Variants in PAX5 observed in about 807,000 individuals in gnomAD.
PAX5 encodes paired box 5.
PAX5 carries 9 observed loss-of-function variants against 43.7 expected under a neutral mutation model. That is an observed-to-expected ratio of 0.21 (90% confidence interval 0.12 to 0.36). The LOEUF (loss-of-function observed/expected upper bound fraction) is 0.36. Among genes scored for constraint, PAX5 ranks in the 10% least tolerant of loss-of-function variants. The pLI is 1.00. For synonymous variants in PAX5, 228 were observed against 214.3 expected (o/e 1.06, Z -0.56); for missense variants, 383 against 532.7 (o/e 0.72, Z 2.77).
At position 36,947,499 on chromosome 9, in the gene PAX5, T is replaced by C. The variant is rs368364875; in HGVS notation, c.780+19050A>G. ...ACAGCCTTGAACTCCTGGGCTCAAGTGATCCTCCCACCTCAGCCTCCCGAG... is the reference window on the plus strand; with the variant it reads ...ACAGCCTTGAACTCCTGGGCTCAAGCGATCCTCCCACCTCAGCCTCCCGAG... On this transcript the variant is annotated intron_variant, in intron 6 of 9. Transcript: ENST00000358127. Among the ~76,000 whole-genome samples, 51 of 152,246 alleles carry C rather than the reference T, an allele frequency of 3.3e-4. No homozygotes were observed. The East Asian group carries it at 7.7e-3, about 23-fold the overall frequency.
intron 5 of PAX5, among the ~76,000 whole-genome samples, chr9:36,979,475 G>A (rs1016003600): frequency 6.6e-6 from 1 of 152,152 alleles, no homozygotes; most frequent in Non-Finnish European, 1.5e-5. Context: ...CATCTGAAAA[G>A]GATAACAGCG....
At chr9:36,988,662 C>CAAAAAA (rs139552622) in intron 5 of PAX5, among the ~76,000 whole-genome samples, 215 of 103,528 alleles carry the variant, frequency 2.1e-3, no homozygotes, top group African/African-American at 8.4e-3. Context: ...GACCCTGTCT[C>CAAAAAA]AAAAAAAAAA....
At position 37,002,056 on chromosome 9, in the gene PAX5, C is replaced by A. The variant is rs879855155; in HGVS notation, c.604+592G>T. 9.2e-5 allele frequency among the ~76,000 whole-genome samples: 14 copies of A among 151,614 alleles called. No individual in the cohort carries two copies. In the South Asian group the frequency reaches 1.5e-3, roughly 16 times the overall value. Reference sequence around the variant, plus strand: ...CCGGGAAGATTGTCATCTTTGTAATCCCCCCCAACACCCCCGCACTTCTTC... The same window carrying A: ...CCGGGAAGATTGTCATCTTTGTAATACCCCCCAACACCCCCGCACTTCTTC... On this transcript the variant is annotated intron_variant, in intron 5 of 9. Coordinates refer to ENST00000358127, the MANE Select transcript of PAX5 (RefSeq NM_016734.3).
intron 6 of PAX5, among the ~76,000 whole-genome samples, chr9:36,965,199 C>G (rs573089028): frequency 6.6e-6 from 1 of 152,262 alleles, no homozygotes; most frequent in East Asian, 1.9e-4. Context: ...CTCCTTAGCA[C>G]CAAGCGCACC....
At chr9:37,021,170 CA>C (rs1839815100) in intron 1 of PAX5, among the ~76,000 whole-genome samples, 2 of 152,196 alleles carry the variant, frequency 1.3e-5, no homozygotes, top group South Asian at 4.2e-4. Context: ...AGAAAATATG[CA>C]TTAAAATACA....
At chr9:36,903,106 G>T (rs1292495109) in intron 7 of PAX5, among the ~76,000 whole-genome samples, 1 of 152,240 alleles carries the variant, frequency 6.6e-6, no homozygotes, top group Non-Finnish European at 1.5e-5. Context: ...ACTCCATGGG[G>T]TGCAGGTGTG....
intron 8 of PAX5, among the ~76,000 whole-genome samples, chr9:36,876,898 A>G (rs1462528292): frequency 1.3e-5 from 2 of 152,234 alleles, no homozygotes; most frequent in African/African-American, 2.4e-5. Context: ...CATGAGTCCA[A>G]GCTAACAAGC....
chr9:37,018,476 G>A (rs1839578935), intron 2 of PAX5, among the ~76,000 whole-genome samples: 1 of 143,440 alleles, frequency 7.0e-6, no homozygotes, highest in African/African-American at 2.6e-5. Context: ...GACTTTGCCT[G>A]CCTTGCCACA....
At chr9:36,943,684 C>T (rs958025951) in intron 6 of PAX5, among the ~76,000 whole-genome samples, 1 of 152,082 alleles carries the variant, frequency 6.6e-6, no homozygotes, top group Non-Finnish European at 1.5e-5. Context: ...AGAAAAGACA[C>T]ATGAAAGACT....
At position 37,015,583 on chromosome 9, in the gene PAX5, C is replaced by CT. The variant is rs201678330; in HGVS notation, c.213-390dup. Among the ~76,000 whole-genome samples, 271 of 141,108 alleles carry CT rather than the reference C, an allele frequency of 1.9e-3. No individual in the cohort carries two copies. Among genetic ancestry groups the CT allele is most frequent in the Admixed American group, 2.2e-3 (31 of 14,074 alleles). The allele number at this position is 141,108 out of a possible 152,430, so 92.6% of individuals were successfully genotyped here. A position where few individuals can be genotyped will look rare whatever the true frequency, so the allele number is the denominator to read the frequency against. On this transcript the variant is annotated intron_variant, in intron 2 of 9. Transcript: ENST00000358127. The surrounding 1 kb of genome is among the most constrained non-coding windows in gnomAD (Gnocchi z 4.4). ...TGCATACACAGCTCTCATAGTATTT[C>CT]TTTTTTTTTTTTTCAGACGGAGTTT...
At chr9:36,926,488 G>T (rs761613322) in intron 6 of PAX5, among the ~76,000 whole-genome samples, 2 of 152,176 alleles carry the variant, frequency 1.3e-5, no homozygotes, top group Non-Finnish European at 2.9e-5. Context: ...ATTGGAAAAA[G>T]GTTGCTGTCT....
intron 7 of PAX5, among the ~76,000 whole-genome samples, chr9:36,884,666 G>A (rs1320707853): frequency 2.0e-5 from 3 of 152,188 alleles, no homozygotes; most frequent in South Asian, 2.1e-4. Flanking sequence ...GACATAAGAG[G>A]AATAAGCACT....
chr9:36,993,797 G>A (rs1837132934), intron 5 of PAX5, among the ~76,000 whole-genome samples: 2 of 151,894 alleles, frequency 1.3e-5, no homozygotes, highest in South Asian at 2.1e-4. Context: ...CCCCTCCATC[G>A]GCCCCACCAC....
chr9:36,963,858 G>C (rs1834177958), intron 6 of PAX5, among the ~76,000 whole-genome samples: 1 of 152,196 alleles, frequency 6.6e-6, no homozygotes, highest in African/African-American at 2.4e-5. Flanking sequence ...GCTCTTCCCT[G>C]TTCACTTGCT....
chr9:36,899,587 G>A lies in PAX5; in HGVS notation c.911-17482C>T, dbSNP rs1216448861. Among the ~76,000 whole-genome samples the A allele has an allele frequency of 2.0e-5, 3 of 151,934 alleles. No individual in the cohort carries two copies. In the South Asian group the frequency reaches 6.2e-4, roughly 31 times the overall value. Reference sequence around the variant, plus strand: ...GGTGTTACTTTCCAACCTCTCCACTGAGAAAAGCCACCAGCCAAAGCCCAG... The same window carrying A: ...GGTGTTACTTTCCAACCTCTCCACTAAGAAAAGCCACCAGCCAAAGCCCAG... On this transcript the variant is annotated intron_variant, in intron 7 of 9. Transcript: ENST00000358127.
chr9:36,840,688 C>G, intron 9 of PAX5, 52 bp from the exon 10 acceptor site: 1 of 1,129,362 alleles, frequency 8.9e-7, no homozygotes, highest in South Asian at 1.5e-5. Context: ...CCCCTTTCCA[C>G]CAGTCTCCTC....
At chr9:36,922,282 C>A (rs930030140) in intron 7 of PAX5, among the ~76,000 whole-genome samples, 1 of 152,196 alleles carries the variant, frequency 6.6e-6, no homozygotes, top group Non-Finnish European at 1.5e-5. Flanking sequence ...TCTACGAGTC[C>A]CGTGTCACTG....
chr9:37,002,792 C>T lies in PAX5; in HGVS notation c.476-16G>A. ...CCAGTGGACACTGCGCGGAGAAAGA[C>T]GGGCGGTCAGGGCCGCAGAGGGCTG... On this transcript the variant is annotated splice_polypyrimidine_tract_variant and intron_variant, in intron 4 of 9. Transcript: ENST00000358127. 6.2e-7 allele frequency: 1 copy of T among 1,600,398 alleles called. No homozygotes were observed. Among genetic ancestry groups the T allele is most frequent in the Non-Finnish European group, 8.5e-7 (1 of 1,174,124 alleles).
intron 6 of PAX5, among the ~76,000 whole-genome samples, chr9:36,931,204 G>A (rs1448130675): frequency 6.6e-6 from 1 of 152,248 alleles, no homozygotes; most frequent in Non-Finnish European, 1.5e-5. Context: ...CTACCCAGAA[G>A]GAGGACAGAA....
Sources: allele counts gnomAD v4.1 joint callset (sites outside exome capture counted in the v4.1 genomes callset), GRCh38; gene constraint gnomAD v4.1.1; non-coding constraint Gnocchi (gnomAD v3.1); transcripts MANE v1.5; gene names NCBI Gene and HGNC (gene_info 2026-07-23, HGNC 2026-07-21).